The following CMTM4 variants were observed in gnomAD, a reference collection of about 807,000 sequenced individuals.
The protein encoded by CMTM4 is CKLF-like MARVEL transmembrane domain-containing protein 4.
Under a neutral mutation model 19.0 loss-of-function variants are expected in CMTM4, and 8 were observed. The ratio of observed to expected loss-of-function variants is 0.42; its 90% CI spans 0.25 to 0.76. CMTM4 has a LOEUF of 0.76. Ranked by LOEUF, CMTM4 falls within the 30% of genes least tolerant of loss-of-function variation. The pLI, the probability that CMTM4 is intolerant of heterozygous loss-of-function variation, is 0.27. For missense variants in CMTM4, 228 were observed against 290.2 expected (o/e 0.79, Z 1.56); for synonymous variants, 106 against 121.1 (o/e 0.88, Z 0.82).
chr16:66,683,568 C>A (rs985011752), intron 1 of CMTM4, among the ~76,000 whole-genome samples: 1 of 151,622 alleles, frequency 6.6e-6, no homozygotes. Flanking sequence ...TGGGAGCTAC[C>A]ACGCCCGGCC....
chr16:66,681,607 C>T (rs918838622), intron 1 of CMTM4, among the ~76,000 whole-genome samples: 2 of 152,122 alleles, frequency 1.3e-5, no homozygotes, highest in African/African-American at 4.8e-5. Context: ...CCCAGCCTTC[C>T]CTATTAAATC....
intron 1 of CMTM4, among the ~76,000 whole-genome samples, chr16:66,678,734 T>C (rs1380854444): frequency 6.6e-6 from 1 of 152,250 alleles, no homozygotes; most frequent in Non-Finnish European, 1.5e-5. Context: ...TTCCTTTGGC[T>C]GGTTGTAATG....
Position 66,677,292 on chromosome 16 carries a change from A to C in CMTM4, c.186+19048T>G, listed in dbSNP as rs567657437. Among the ~76,000 whole-genome samples, 3 of 152,386 alleles carry C rather than the reference A, an allele frequency of 2.0e-5. No individual in the cohort carries two copies. In the East Asian group the frequency reaches 5.8e-4, roughly 29 times the overall value. ...CAGTGACGCCAGGCATGGCAGGACC[A>C]GAGGAAGACAGGTGGGGGCAGGGAA... On this transcript the variant is annotated intron_variant, in intron 1 of 3. Transcript: ENST00000394106.
the CMTM4 span, among the ~76,000 whole-genome samples, chr16:66,598,618 T>C: frequency 2.6e-5 from 4 of 152,316 alleles, no homozygotes; most frequent in East Asian, 7.7e-4. Context: ...TCTGTTACTG[T>C]AGCTTACTTT....
In CMTM4 at chr16:66,623,496, C is replaced by A; in HGVS notation, c.370G>T (p.Val124Phe). 1 of 1,606,170 alleles carries A rather than the reference C, an allele frequency of 6.2e-7. No homozygotes were observed. Among genetic ancestry groups the A allele is most frequent in the Non-Finnish European group, 8.5e-7 (1 of 1,175,804 alleles). Residue 124 changes from valine to phenylalanine, a missense_variant, in exon 3 of 4, where the codon GTC becomes TTC. Transcript: ENST00000394106. ...AGGAAAGCGCTGAGTCCAGTGTTGA[C>A]CAAATCCTAAAGGGAGAGACAAAAT... ...PQINWNLTDL[V>F]NTGLSAFLFF...
chr16:66,605,839 C>G, the CMTM4 span, among the ~76,000 whole-genome samples: 2 of 152,160 alleles, frequency 1.3e-5, no homozygotes, highest in Admixed American at 1.3e-4. This position sits in a 1 kb window ranked among gnomAD's most constrained non-coding sequence, Gnocchi z 4.6. Context: ...CCTGGTCACT[C>G]AGGGCAGAGG....
intron 1 of CMTM4, among the ~76,000 whole-genome samples, chr16:66,666,394 A>G (rs1264891924): frequency 6.6e-6 from 1 of 152,074 alleles, no homozygotes; most frequent in Non-Finnish European, 1.5e-5. Flanking sequence ...CAGAGCTGGC[A>G]GTGAGCCGAG....
Position 66,631,289 on chromosome 16 carries a change from G to T in CMTM4, c.363+5116C>A, listed in dbSNP as rs1255094403. Among the ~76,000 whole-genome samples the T allele has an allele frequency of 2.0e-5, 3 of 148,436 alleles. No individual in the cohort carries two copies. The East Asian group carries it at 6.2e-4, about 31-fold the overall frequency. On this transcript the variant is annotated intron_variant, in intron 2 of 3. Transcript: ENST00000394106. ...GGGTCAGCCCCCCGCCCGGCCAGCC[G>T]CCCGGTCCGGGAGGGAGGTGGGGGG...
chr16:66,646,545 G>A (rs563770087), intron 1 of CMTM4, among the ~76,000 whole-genome samples: 22 of 151,830 alleles, frequency 1.4e-4, no homozygotes, highest in African/African-American at 4.8e-4. Context: ...CATTGAGCCC[G>A]CTTTCATGTT....
At chr16:66,634,318 T>A (rs191739382) in intron 2 of CMTM4, among the ~76,000 whole-genome samples, 176 of 151,806 alleles carry the variant, frequency 1.2e-3, no homozygotes, top group African/African-American at 4.1e-3. Context: ...TACATGCCCA[T>A]AATCTCAGCT....
At position 66,621,795 on chromosome 16, in the gene CMTM4, T is replaced by TC; in HGVS notation, c.*262_*263insG. ...GTGGCTCAGAGTCAAAGGAAGCCTG[T>TC]GCTTCAGGGCAGGTAAGACCTCAAG... On this transcript the variant is annotated 3_prime_UTR_variant, in exon 4 of 4. Coordinates refer to ENST00000394106, the MANE Select transcript of CMTM4 (RefSeq NM_181521.3). 7.7e-7 allele frequency: 1 copy of TC among 1,299,250 alleles called. No homozygotes were observed. The highest frequency in any genetic ancestry group is 9.8e-7 in the Non-Finnish European group (1 of 1,018,010). The allele number at this position is 1,299,250 out of a possible 1,614,324, so 80.5% of individuals were successfully genotyped here.
intron 1 of CMTM4, among the ~76,000 whole-genome samples, chr16:66,637,211 G>A (rs139561063): frequency 3.0e-4 from 46 of 152,232 alleles, no homozygotes; most frequent in African/African-American, 1.0e-3. Flanking sequence ...CAACAAGATG[G>A]CAGCTTATTA....
At chr16:66,684,377 A>G (rs547703998) in intron 1 of CMTM4, among the ~76,000 whole-genome samples, 2 of 152,180 alleles carry the variant, frequency 1.3e-5, no homozygotes, top group Admixed American at 6.5e-5. Flanking sequence ...GGGTTTTACT[A>G]TGTTGGCCAG....
chr16:66,624,811 A>G (rs1217234475), intron 2 of CMTM4, among the ~76,000 whole-genome samples: 1 of 152,212 alleles, frequency 6.6e-6, no homozygotes, highest in Non-Finnish European at 1.5e-5. Flanking sequence ...TGCTGGCATC[A>G]TAACAGTGCT....
chr16:66,631,147 A>AGGCCAGCCG (rs1414560520), intron 2 of CMTM4, among the ~76,000 whole-genome samples: 1 of 138,170 alleles, frequency 7.2e-6, no homozygotes, highest in Non-Finnish European at 1.5e-5. Flanking sequence ...CCCGGCAGCC[A>AGGCCAGCCG]CCCCGTCCGG....
chr16:66,686,395 T>C (rs2017032806), intron 1 of CMTM4, among the ~76,000 whole-genome samples: 3 of 150,204 alleles, frequency 2.0e-5, no homozygotes, highest in East Asian at 2.0e-4. Flanking sequence ...ACCCTATCTC[T>C]ACAAAAAATA....
chr16:66,640,709 A>G (rs944210306), intron 1 of CMTM4, among the ~76,000 whole-genome samples: 15 of 152,158 alleles, frequency 9.9e-5, no homozygotes, highest in Non-Finnish European at 2.1e-4. Context: ...TGCAGAAATG[A>G]CTTCACAGGT....
intron 1 of CMTM4, among the ~76,000 whole-genome samples, chr16:66,645,935 C>T (rs556847150): frequency 1.7e-4 from 26 of 152,144 alleles, no homozygotes; most frequent in South Asian, 1.5e-3. Flanking sequence ...GCTGAGATTG[C>T]GCCACTGTAC....
chr16:66,690,957 T>TA (rs113936003), intron 1 of CMTM4, among the ~76,000 whole-genome samples: 179 of 145,200 alleles, frequency 1.2e-3, no homozygotes, highest in African/African-American at 2.6e-3. Context: ...TCTACAAAAA[T>TA]AAAAAAAAAA....
Sources: allele counts gnomAD v4.1 joint callset (sites outside exome capture counted in the v4.1 genomes callset), GRCh38; gene constraint gnomAD v4.1.1; non-coding constraint Gnocchi (gnomAD v3.1); transcripts MANE v1.5; gene names NCBI Gene and HGNC (gene_info 2026-07-23, HGNC 2026-07-21).